The following CLSTN2 variants were observed in gnomAD, a reference collection of about 807,000 sequenced individuals.
CLSTN2 encodes calsyntenin 2, also known as calsyntenin-2.
Under a neutral mutation model 101.2 loss-of-function variants are expected in CLSTN2, and 48 were observed. The observed-to-expected ratio is 0.47, with a 90% CI of 0.38 to 0.60. CLSTN2 has a LOEUF of 0.60. Ranked by LOEUF, CLSTN2 falls within the 20% of genes least tolerant of loss-of-function variation. The pLI, the probability that CLSTN2 is intolerant of heterozygous loss-of-function variation, is 0.00. For missense variants in CLSTN2, 1,160 were observed against 1,238.2 expected, an observed-to-expected ratio of 0.94 and a Z score of 0.95; for synonymous variants, 481 against 463.6, an observed-to-expected ratio of 1.04 and a Z score of -0.48.
chr3:140,207,595 C>T (rs1277225373), intron 2 of CLSTN2, among the ~76,000 whole-genome samples: 1 of 152,124 alleles, frequency 6.6e-6, no homozygotes, highest in East Asian at 1.9e-4. Context: ...GATTTATGTT[C>T]ATGGTGGTTT....
At chr3:140,456,954 G>T (rs1933417044) in intron 6 of CLSTN2, among the ~76,000 whole-genome samples, 1 of 152,106 alleles carries the variant, frequency 6.6e-6, no homozygotes, top group Admixed American at 6.5e-5. Flanking sequence ...CCTCTCTGCT[G>T]TGTACCTCTC....
intron 2 of CLSTN2, among the ~76,000 whole-genome samples, chr3:140,230,755 A>G (rs550798564): frequency 5.3e-4 from 81 of 152,222 alleles, no homozygotes; most frequent in Non-Finnish European, 1.1e-3. Flanking sequence ...TTGTTATACC[A>G]GCCTGAACCA....
chr3:140,538,696 G>A (rs991863185), intron 9 of CLSTN2, among the ~76,000 whole-genome samples: 5 of 152,178 alleles, frequency 3.3e-5, no homozygotes, highest in African/African-American at 1.2e-4. Flanking sequence ...TAAAGTCTGT[G>A]TTTAAATTAT....
rs1224380559 is a variant in CLSTN2, at chr3:139,959,320, C to T, written c.109+23837C>T. Among the ~76,000 whole-genome samples the T allele has an allele frequency of 4.6e-5, 7 of 152,184 alleles. No homozygotes were observed. In the East Asian group the frequency reaches 1.3e-3, roughly 29 times the overall value. On this transcript the variant is annotated intron_variant, in intron 1 of 16. Coordinates refer to ENST00000458420, the MANE Select transcript of CLSTN2 (RefSeq NM_022131.3). ...CTGCTTAGCTTCCCATTCTCCATCA[C>T]TTGGGTAACTGATTTTTCATGTTAC... is the stretch of plus-strand genomic sequence containing the variant.
intron 8 of CLSTN2, among the ~76,000 whole-genome samples, chr3:140,492,251 C>T (rs976023411): frequency 2.0e-5 from 3 of 152,194 alleles, no homozygotes; most frequent in Non-Finnish European, 4.4e-5. Context: ...GGTACAGCCT[C>T]TTTAGAAAAC....
At chr3:140,501,090 C>T (rs1934565386) in intron 8 of CLSTN2, among the ~76,000 whole-genome samples, 1 of 152,154 alleles carries the variant, frequency 6.6e-6, no homozygotes, top group African/African-American at 2.4e-5. Flanking sequence ...CAGCCCTTCA[C>T]TTAACACACA....
In CLSTN2 at chr3:140,297,191, G is replaced by C. The variant is rs76860503; in HGVS notation, c.233-106438G>C. Among the ~76,000 whole-genome samples the C allele has an allele frequency of 2.0e-4, 31 of 152,316 alleles. No homozygotes were observed. The East Asian group carries it at 5.0e-3, about 25-fold the overall frequency. On this transcript the variant is annotated intron_variant, in intron 2 of 16. Coordinates refer to ENST00000458420, the MANE Select transcript of CLSTN2 (RefSeq NM_022131.3). ...TTGCCAAGTATTTTAAGCCAGTTTG[G>C]TGTTTATTCAGTCAGCCTCCGTCCT...
intron 8 of CLSTN2, among the ~76,000 whole-genome samples, chr3:140,518,765 C>T (rs923920418): frequency 1.3e-5 from 2 of 152,170 alleles, no homozygotes; most frequent in African/African-American, 4.8e-5. Context: ...CAAAAGTTCA[C>T]GACGTGAGCC....
At chr3:140,157,814 A>G (rs560327320) in intron 1 of CLSTN2, among the ~76,000 whole-genome samples, 1 of 152,356 alleles carries the variant, frequency 6.6e-6, no homozygotes, top group South Asian at 2.1e-4. Flanking sequence ...CTAATACACC[A>G]TGATCAAGTA....
At chr3:140,291,348 G>A (rs1302550504) in intron 2 of CLSTN2, among the ~76,000 whole-genome samples, 4 of 151,762 alleles carry the variant, frequency 2.6e-5, no homozygotes, top group Non-Finnish European at 4.4e-5. Flanking sequence ...CCTTTGTCAA[G>A]GTCACCAGTA....
intron 1 of CLSTN2, among the ~76,000 whole-genome samples, chr3:140,098,393 C>G (rs1009291091): frequency 6.6e-6 from 1 of 152,182 alleles, no homozygotes; most frequent in Non-Finnish European, 1.5e-5. Context: ...TTCACAAGTA[C>G]TTGGCTACTA....
rs114026394 is a variant in CLSTN2 at position 140,361,536 on chromosome 3, T to C, written c.233-42093T>C. On this transcript the variant is annotated intron_variant, in intron 2 of 16. Coordinates refer to ENST00000458420, the MANE Select transcript of CLSTN2 (RefSeq NM_022131.3). ...GACATTTGGATTGGAAAGGAAGAAG[T>C]AAAACTATCTTTATGCATAGAGAAC... is the stretch of plus-strand genomic sequence containing the variant. 4.2e-3 allele frequency among the ~76,000 whole-genome samples: 643 copies of C among 152,214 alleles called. 2 individuals are homozygous for C. The highest frequency in any genetic ancestry group is 0.014 in the African/African-American group (590 of 41,546).
At chr3:140,264,718 A>G (rs1490691002) in intron 2 of CLSTN2, among the ~76,000 whole-genome samples, 4 of 152,104 alleles carry the variant, frequency 2.6e-5, no homozygotes, top group African/African-American at 9.7e-5. Flanking sequence ...CTCTTTGGTA[A>G]GTGGCCCAGG....
chr3:140,485,947 G>C (rs2107754513), intron 8 of CLSTN2, among the ~76,000 whole-genome samples: 1 of 150,782 alleles, frequency 6.6e-6, no homozygotes, highest in Non-Finnish European at 1.5e-5. Context: ...CTCACACTTG[G>C]TGCGCTGCAC....
chr3:140,176,098 G>A (rs1459408657), intron 2 of CLSTN2, 25 bp downstream of exon 2: 1 of 1,612,234 alleles, frequency 6.2e-7, no homozygotes, highest in Non-Finnish European at 8.5e-7. Context: ...TCGTACGGCT[G>A]GGCCTGGCTC....
intron 1 of CLSTN2, among the ~76,000 whole-genome samples, chr3:140,055,504 A>G (rs964943818): frequency 6.6e-6 from 1 of 152,252 alleles, no homozygotes; most frequent in African/African-American, 2.4e-5. Context: ...GACCAAGGAC[A>G]GGTTAACCAA....
chr3:140,500,055 C>T (rs894077204), intron 8 of CLSTN2, among the ~76,000 whole-genome samples: 10 of 148,596 alleles, frequency 6.7e-5, no homozygotes, highest in Admixed American at 1.3e-4. Flanking sequence ...TGACAGAGCG[C>T]GACTCCGTCT....
intron 1 of CLSTN2, among the ~76,000 whole-genome samples, chr3:140,013,521 G>T (rs1378548049): frequency 2.6e-5 from 4 of 152,118 alleles, no homozygotes; most frequent in Non-Finnish European, 2.9e-5. Flanking sequence ...AGGCCGTTTG[G>T]GTGCCAAATA....
At chr3:140,123,192 T>C (rs1211653971) in intron 1 of CLSTN2, among the ~76,000 whole-genome samples, 1 of 147,658 alleles carries the variant, frequency 6.8e-6, no homozygotes, top group African/African-American at 2.5e-5. Context: ...GGGACATGAA[T>C]GTGGTGTCCT....
Sources: allele counts gnomAD v4.1 joint callset (sites outside exome capture counted in the v4.1 genomes callset), GRCh38; gene constraint gnomAD v4.1.1; transcripts MANE v1.5; gene names NCBI Gene and HGNC (gene_info 2026-07-23, HGNC 2026-07-21).